Variants in SH3RF3 observed in about 807,000 individuals in gnomAD.
SH3RF3 encodes SH3 domain containing ring finger 3.
Under a neutral mutation model 66.3 loss-of-function variants are expected in SH3RF3, and 29 were observed. That is an observed-to-expected ratio of 0.44 (90% CI 0.33 to 0.60). SH3RF3 has a LOEUF of 0.60. Ranked by LOEUF, SH3RF3 falls within the 20% of genes least tolerant of loss-of-function variation. The pLI is 0.04. For synonymous variants in SH3RF3, 583 were observed against 532.0 expected (o/e 1.10, Z -1.32); for missense variants, 1,194 against 1,190.9 (o/e 1.00, Z -0.04).
At chr2:109,427,872 C>G (rs1677070790) in intron 5 of SH3RF3, among the ~76,000 whole-genome samples, 3 of 152,268 alleles carry the variant, frequency 2.0e-5, no homozygotes, top group African/African-American at 7.2e-5. Flanking sequence ...AGCAGTGCTC[C>G]CGGAGCTGGC....
chr2:109,407,081 G>A (rs958077909), intron 4 of SH3RF3, among the ~76,000 whole-genome samples: 1 of 152,154 alleles, frequency 6.6e-6, no homozygotes, highest in Non-Finnish European at 1.5e-5. Flanking sequence ...CACTAATACT[G>A]CCCATGAGTG....
At chr2:109,300,199 A>AT (rs1420033077) in intron 1 of SH3RF3, among the ~76,000 whole-genome samples, 4 of 151,418 alleles carry the variant, frequency 2.6e-5, no homozygotes, top group East Asian at 1.9e-4. Context: ...GCATCCTGAA[A>AT]TTTTTTTTTC....
intron 4 of SH3RF3, among the ~76,000 whole-genome samples, chr2:109,403,569 G>A (rs911463882): frequency 6.6e-6 from 1 of 152,208 alleles, no homozygotes; most frequent in Non-Finnish European, 1.5e-5. Context: ...GCTGACCTCA[G>A]GCCAAAGGAG....
chr2:109,283,872 A>C (rs1680953758), intron 1 of SH3RF3, among the ~76,000 whole-genome samples: 1 of 152,050 alleles, frequency 6.6e-6, no homozygotes, highest in African/African-American at 2.4e-5. Flanking sequence ...GGGAGTGAGT[A>C]TTCTATATGC....
intron 1 of SH3RF3, among the ~76,000 whole-genome samples, chr2:109,315,303 T>G (rs898960793): frequency 6.6e-6 from 1 of 152,146 alleles, no homozygotes; most frequent in African/African-American, 2.4e-5. Flanking sequence ...GGGCCCTGGG[T>G]CCAACACCAA....
intron 4 of SH3RF3, among the ~76,000 whole-genome samples, chr2:109,404,617 G>C (rs6734521): frequency 0.3 from 45,304 of 152,094 alleles, 7,877 homozygotes; most frequent in Non-Finnish European, 0.39. Context: ...ACAGGGCCTG[G>C]GCAGGTGGGG....
At chr2:109,291,998 G>A (rs916907461) in intron 1 of SH3RF3, among the ~76,000 whole-genome samples, 6 of 152,142 alleles carry the variant, frequency 3.9e-5, no homozygotes, top group Non-Finnish European at 7.4e-5. Context: ...CGAGTAGCTG[G>A]GACTACAGGC....
chr2:109,451,313 C>T (rs1303635447), intron 8 of SH3RF3, among the ~76,000 whole-genome samples: 1 of 152,200 alleles, frequency 6.6e-6, no homozygotes, highest in Non-Finnish European at 1.5e-5. Context: ...GGCTGGGTCT[C>T]ATCAGGAGGG....
Position 109,398,819 on chromosome 2 carries a change from C to T in SH3RF3, c.1175C>T (p.Ser392Phe), listed in dbSNP as rs532037049. 71 of 1,613,924 alleles carry T rather than the reference C, an allele frequency of 4.4e-5. 1 individual carries two copies. The South Asian group carries it at 7.6e-4, about 17-fold the overall frequency. ...FTALSVTHRSSQAASHRHSME... is the reference protein window; with the variant it reads ...FTALSVTHRSFQAASHRHSME... ...GCGCTCAGTGTGACGCACAGATCCT[C>T]CCAGGCTGCCAGCCACAGGCATTCC... Residue 392 changes from serine (S) to phenylalanine (F), a missense_variant, in exon 4 of 10, where the codon TCC becomes TTC. Coordinates refer to ENST00000309415, the MANE Select transcript of SH3RF3 (RefSeq NM_001099289.3).
chr2:109,419,693 C>A, intron 5 of SH3RF3, 51 bp downstream of exon 5: 1 of 1,511,586 alleles, frequency 6.6e-7, no homozygotes, highest in South Asian at 1.2e-5. Context: ...GCCCTCCCTC[C>A]TGCCTGGGCT....
intron 1 of SH3RF3, among the ~76,000 whole-genome samples, chr2:109,225,762 G>T (rs1679360704): frequency 1.3e-5 from 2 of 152,326 alleles, no homozygotes; most frequent in South Asian, 4.1e-4. Context: ...TTTCAAGTTT[G>T]CTTTCTTTCG....
intron 8 of SH3RF3, among the ~76,000 whole-genome samples, chr2:109,452,863 G>A (rs1314739044): frequency 6.6e-6 from 1 of 150,496 alleles, no homozygotes; most frequent in Non-Finnish European, 1.5e-5. Context: ...GCTGGTCCCG[G>A]GAGGCTGGTG....
intron 1 of SH3RF3, among the ~76,000 whole-genome samples, chr2:109,204,210 ATGTC>A (rs1385606571): frequency 6.6e-6 from 1 of 152,034 alleles, no homozygotes; most frequent in Non-Finnish European, 1.5e-5. Flanking sequence ...ATCTGTCTGT[ATGTC>A]TGTCTGTCTG....
intron 3 of SH3RF3, among the ~76,000 whole-genome samples, chr2:109,386,944 A>G (rs963511915): frequency 5.3e-5 from 8 of 152,168 alleles, no homozygotes; most frequent in African/African-American, 1.7e-4. Context: ...CTCCAGCCTA[A>G]TCTGCTTTTT....
At chr2:109,476,299 A>G (rs1678681595) in intron 8 of SH3RF3, among the ~76,000 whole-genome samples, 1 of 152,192 alleles carries the variant, frequency 6.6e-6, no homozygotes, top group African/African-American at 2.4e-5. Context: ...AAGGGGGTCA[A>G]GTGAAGATCA....
intron 8 of SH3RF3, among the ~76,000 whole-genome samples, chr2:109,462,600 C>CATATTGCTT (rs2104690331): frequency 6.6e-6 from 1 of 152,288 alleles, no homozygotes; most frequent in East Asian, 1.9e-4. Context: ...TCTAGGAATG[C>CATATTGCTT]ATATTGCTTT....
At chr2:109,139,470 G>C (rs1242328911) in intron 1 of SH3RF3, among the ~76,000 whole-genome samples, 1 of 152,188 alleles carries the variant, frequency 6.6e-6, no homozygotes, top group Non-Finnish European at 1.5e-5. Flanking sequence ...TGTATCCTGA[G>C]CGGCATCCCC....
At chr2:109,208,969 G>A (rs1269785593) in intron 1 of SH3RF3, among the ~76,000 whole-genome samples, 2 of 152,242 alleles carry the variant, frequency 1.3e-5, no homozygotes, top group African/African-American at 4.8e-5. Context: ...CCATGGGCAG[G>A]TGGGGTTCAT....
intron 1 of SH3RF3, among the ~76,000 whole-genome samples, chr2:109,287,816 G>A (rs1358164738): frequency 1.3e-5 from 2 of 152,140 alleles, no homozygotes. Context: ...CAGTTTTAGG[G>A]CGCTGCACTC....
Sources: gnomAD v4.1 joint callset for allele counts (sites outside exome capture counted in the v4.1 genomes callset) on GRCh38, gnomAD v4.1.1 for gene constraint, MANE v1.5 for transcripts, NCBI Gene and HGNC (gene_info 2026-07-23, HGNC 2026-07-21) for gene names.